ATP2C2: variants seen among roughly 807,000 people sequenced by gnomAD.
The protein encoded by ATP2C2 is calcium-transporting ATPase type 2C member 2.
A neutral mutation model predicts 110.8 loss-of-function variants in ATP2C2; 171 were observed. The observed-to-expected ratio is 1.54, with a 90% CI of 1.36 to 1.75. ATP2C2 has a LOEUF of 1.75. Ranked by LOEUF, ATP2C2 falls within the 40% of genes most tolerant of loss-of-function variation. The pLI, the probability that ATP2C2 is intolerant of heterozygous loss-of-function variation, is 0.00. For synonymous variants in ATP2C2, 804 were observed against 508.4 expected (o/e 1.58, Z -7.82); for missense variants, 1,963 against 1,235.0 (o/e 1.59, Z -8.84).
At chr16:84,392,385 C>G (rs1399355419) in intron 1 of ATP2C2, among the ~76,000 whole-genome samples, 1 of 152,140 alleles carries the variant, frequency 6.6e-6, no homozygotes, top group African/African-American at 2.4e-5. Flanking sequence ...CTGGTTTATT[C>G]AAATCAGGAC....
chr16:84,453,837 T>G (rs1597871557), intron 20 of ATP2C2, among the ~76,000 whole-genome samples: 1 of 151,976 alleles, frequency 6.6e-6, no homozygotes, highest in African/African-American at 2.4e-5. Context: ...CTATCTTTTT[T>G]TTTTCTGGGG....
At chr16:84,448,267 C>CA (rs34258735) in intron 16 of ATP2C2, among the ~76,000 whole-genome samples, 19,067 of 152,092 alleles carry the variant, frequency 0.13, 1,867 homozygotes, top group African/African-American at 0.27. Flanking sequence ...TCTGAGTGAC[C>CA]ATAACAAGGG....
At chr16:84,452,810 T>C (rs976445010) in intron 18 of ATP2C2, among the ~76,000 whole-genome samples, 4 of 152,024 alleles carry the variant, frequency 2.6e-5, no homozygotes, top group Admixed American at 2.6e-4. Context: ...CTCTAGTTAC[T>C]ATTATATGGG....
intron 1 of ATP2C2, among the ~76,000 whole-genome samples, chr16:84,382,516 G>A (rs936516923): frequency 4.6e-5 from 7 of 152,146 alleles, no homozygotes; most frequent in Non-Finnish European, 1.5e-5. Context: ...GGGCAGGATG[G>A]GCAGCCAGGT....
At chr16:84,414,849 G>A (rs969696091) in intron 6 of ATP2C2, among the ~76,000 whole-genome samples, 3 of 152,088 alleles carry the variant, frequency 2.0e-5, no homozygotes, top group African/African-American at 4.8e-5. Flanking sequence ...GAAAGCCATC[G>A]GAGGGTTTGG....
At chr16:84,460,573 G>T in intron 23 of ATP2C2, 81 bp from the exon 24 acceptor site, 1 of 1,600,884 alleles carries the variant, frequency 6.2e-7, no homozygotes, top group Non-Finnish European at 8.6e-7. Context: ...CTTGGCCTGG[G>T]AGGCTCAGGC....
chr16:84,383,935 A>T (rs550913381), intron 1 of ATP2C2, among the ~76,000 whole-genome samples: 1 of 151,800 alleles, frequency 6.6e-6, no homozygotes, highest in South Asian at 2.1e-4. Flanking sequence ...GACTACAGGC[A>T]TGTGCCACCA....
intron 6 of ATP2C2, among the ~76,000 whole-genome samples, chr16:84,414,209 C>CTA (rs1450671454): frequency 1.3e-5 from 2 of 152,222 alleles, no homozygotes; most frequent in South Asian, 2.1e-4. Context: ...GTGCTCTTGG[C>CTA]TACAAGGAAC....
At position 84,449,814 on chromosome 16, in the gene ATP2C2, C is replaced by T. The variant is rs942429073; in HGVS notation, c.1660+1125C>T. Among the ~76,000 whole-genome samples, 9 of 152,216 alleles carry T rather than the reference C, an allele frequency of 5.9e-5. No homozygotes were observed. The South Asian group carries it at 1.2e-3, about 21-fold the overall frequency. ...GTAGCTCCCTGTTCTTGTCACATCA[C>T]GCCTCTGCTGACGAAATGGCTCACT... On this transcript the variant is annotated intron_variant, in intron 17 of 26. Transcript: ENST00000262429.
chr16:84,405,368 C>T, intron 3 of ATP2C2, 124 bp downstream of exon 3: 1 of 785,908 alleles, frequency 1.3e-6, no homozygotes, highest in Non-Finnish European at 2.0e-6. Flanking sequence ...TCACGCTGCC[C>T]CAGCCAGCCT....
intron 21 of ATP2C2, among the ~76,000 whole-genome samples, chr16:84,456,044 G>T: frequency 9.8e-6 from 1 of 102,350 alleles, no homozygotes; most frequent in Non-Finnish European, 2.0e-5. Flanking sequence ...ATTTTATTGA[G>T]GATTTTTGCA....
In ATP2C2 at chr16:84,447,378, G is replaced by C. The variant is rs547450349; in HGVS notation, c.1503+948G>C. Among the ~76,000 whole-genome samples the C allele has an allele frequency of 3.9e-5, 6 of 152,100 alleles. No individual in the cohort carries two copies. The South Asian group carries it at 1.2e-3, about 32-fold the overall frequency. ...AATATATTCTCATTGAAAAAGTATA[G>C]AAATATGACATAAAAATGAAAGCTT... On this transcript the variant is annotated intron_variant, in intron 16 of 26. Coordinates refer to ENST00000262429, the MANE Select transcript of ATP2C2 (RefSeq NM_014861.4).
chr16:84,388,919 G>T (rs1041579818), intron 1 of ATP2C2, among the ~76,000 whole-genome samples: 1 of 152,054 alleles, frequency 6.6e-6, no homozygotes, highest in Non-Finnish European at 1.5e-5. Flanking sequence ...CTACAGGTGG[G>T]CGCCACCATG....
Position 84,462,042 on chromosome 16 carries a change from G to GTCCTGGGGTCCA in ATP2C2, c.2644_2655dup (p.Ser882_Gly885dup). ...CAGGAACCACATGTTCCTCTACTCC[G>GTCCTGGGGTCCA]TCCTGGGGTCCATCCTGGGGCAGCT... On this transcript the variant is annotated inframe_insertion, in exon 26 of 27. Transcript: ENST00000262429. 1.2e-6 allele frequency: 2 copies of GTCCTGGGGTCCA among 1,614,058 alleles called. No individual in the cohort carries two copies. Among genetic ancestry groups the GTCCTGGGGTCCA allele is most frequent in the Non-Finnish European group, 1.7e-6 (2 of 1,179,990 alleles).
Position 84,398,551 on chromosome 16 carries a change from C to A in ATP2C2, c.152C>A (p.Ala51Asp), listed in dbSNP as rs1452277127. The A allele has an allele frequency of 6.2e-7, 1 of 1,613,422 alleles. No individual in the cohort carries two copies. Among genetic ancestry groups the A allele is most frequent in the Non-Finnish European group, 8.5e-7 (1 of 1,179,742 alleles). The change falls in exon 2 of 27, where the codon GCC (alanine) becomes GAC (aspartate). Residue 51 changes from alanine (A) to aspartate (D), a missense_variant. Physicochemically the swap from Ala to Asp is moderately radical, Grantham distance 126 (BLOSUM62 -2). Coordinates refer to ENST00000262429, the MANE Select transcript of ATP2C2 (RefSeq NM_014861.4). The part of the protein sequence containing the change: ...KAIEKEKKVT[A>D]LPPKEACKCQ... The stretch of plus-strand genomic sequence containing the variant: ...ATCGAGAAAGAGAAGAAGGTGACAG[C>A]CCTGCCCCCCAAGGAAGCGTGCAAA...
At position 84,397,655 on chromosome 16, in the gene ATP2C2, C is replaced by CAAAA. The variant is rs58934576; in HGVS notation, c.100-829_100-826dup. On this transcript the variant is annotated intron_variant, in intron 1 of 26. Transcript: ENST00000262429. ...CACCACTGCACTCCAGCCTGGGTGA[C>CAAAA]AAAAAAAAAAAAAAAAAACTTGCTT... 8.9e-3 allele frequency among the ~76,000 whole-genome samples: 567 copies of CAAAA among 63,492 alleles called. 46 individuals carry two copies. Among genetic ancestry groups the CAAAA allele is most frequent in the African/African-American group, 0.02 (450 of 22,710 alleles). The allele number at this position is 63,492 out of a possible 152,430, so 41.7% of individuals were successfully genotyped here.
intron 4 of ATP2C2, 28 bp from the exon 5 acceptor site, chr16:84,410,540 C>G (rs562538810): frequency 1.9e-5 from 31 of 1,612,752 alleles, no homozygotes; most frequent in Non-Finnish European, 2.5e-5. Flanking sequence ...GCCTCTGGTA[C>G]TGACACCCTC....
intron 11 of ATP2C2, among the ~76,000 whole-genome samples, chr16:84,434,667 C>G (rs1005895585): frequency 6.6e-6 from 1 of 151,642 alleles, no homozygotes; most frequent in Admixed American, 6.6e-5. Context: ...TACAGGTGCT[C>G]GCTACCACAC....
At chr16:84,447,100 A>G (rs1337294076) in intron 16 of ATP2C2, among the ~76,000 whole-genome samples, 7 of 152,090 alleles carry the variant, frequency 4.6e-5, no homozygotes, top group African/African-American at 9.7e-5. Flanking sequence ...CTTAAAAGCT[A>G]TTTTTTAAAG....
Sources: gnomAD v4.1 joint callset for allele counts (sites outside exome capture counted in the v4.1 genomes callset) on GRCh38, gnomAD v4.1.1 for gene constraint, MANE v1.5 for transcripts, NCBI Gene and HGNC (gene_info 2026-07-23, HGNC 2026-07-21) for gene names.